Variants in RMST observed in about 807,000 individuals in gnomAD.
RMST encodes the protein long intergenic non-protein coding RNA 54.
chr12:97,518,046 C>T (rs1208337744), intron 10 of RMST, among the ~76,000 whole-genome samples: 1 of 151,984 alleles, frequency 6.6e-6, no homozygotes, highest in African/African-American at 2.4e-5. Context: ...TAATAATTAT[C>T]CAAACTTATT....
intron 10 of RMST, among the ~76,000 whole-genome samples, chr12:97,517,739 ATAATTAT>A (rs1187584551): frequency 6.6e-6 from 1 of 152,032 alleles, no homozygotes. Flanking sequence ...CTGTAAATTA[ATAATTAT>A]ATGAACATCT....
intron 10 of RMST, among the ~76,000 whole-genome samples, chr12:97,501,627 G>T (rs1878080334): frequency 1.3e-5 from 2 of 152,144 alleles, no homozygotes; most frequent in Non-Finnish European, 2.9e-5. Flanking sequence ...CTACAGAAAT[G>T]CCTGTCACCT....
chr12:97,559,843 C>A (rs1207590319), intron 11 of RMST, among the ~76,000 whole-genome samples: 1 of 152,170 alleles, frequency 6.6e-6, no homozygotes, highest in Non-Finnish European at 1.5e-5. Context: ...GTGGTATGGG[C>A]ACTCTATATA....
chr12:97,481,616 G>A (rs141194567), intron 5 of RMST, among the ~76,000 whole-genome samples: 1 of 152,178 alleles, frequency 6.6e-6, no homozygotes, highest in African/African-American at 2.4e-5. Context: ...GAAGAGTGAG[G>A]TTTATTTTTT....
chr12:97,498,345 G>T (rs546511178), intron 10 of RMST, among the ~76,000 whole-genome samples: 1 of 152,074 alleles, frequency 6.6e-6, no homozygotes, highest in Admixed American at 6.6e-5. Flanking sequence ...GGACTGGTTC[G>T]CATTTCTGCT....
At chr12:97,482,535 T>C (rs1032015389) in intron 5 of RMST, among the ~76,000 whole-genome samples, 1 of 151,442 alleles carries the variant, frequency 6.6e-6, no homozygotes, top group Non-Finnish European at 1.5e-5. Flanking sequence ...AAATTGTTGG[T>C]TATATCAAAG....
chr12:97,487,202 A>C (rs1312782824), intron 5 of RMST, among the ~76,000 whole-genome samples: 1 of 152,174 alleles, frequency 6.6e-6, no homozygotes, highest in Non-Finnish European at 1.5e-5. Context: ...ATTAATTCAC[A>C]TTCATTTCTT....
intron 5 of RMST, among the ~76,000 whole-genome samples, chr12:97,485,987 T>C (rs1876052168): frequency 1.3e-5 from 2 of 152,222 alleles, no homozygotes; most frequent in Admixed American, 1.3e-4. Flanking sequence ...CCATAATACA[T>C]TGCATTCCAT....
chr12:97,476,468 T>C (rs942823005), intron 5 of RMST, among the ~76,000 whole-genome samples: 2 of 152,198 alleles, frequency 1.3e-5, no homozygotes, highest in African/African-American at 4.8e-5. Flanking sequence ...TGCTTTTGTG[T>C]GCTCTCTGGA....
intron 10 of RMST, among the ~76,000 whole-genome samples, chr12:97,511,383 A>C (rs192170888): frequency 6.6e-6 from 1 of 152,254 alleles, no homozygotes; most frequent in East Asian, 1.9e-4. Flanking sequence ...TCCTGACCAC[A>C]AGTGATCCAC....
intron 4 of RMST, chr12:97,465,070 G>C (rs1178091602): frequency 1.3e-5 from 2 of 152,138 alleles, no homozygotes; most frequent in African/African-American, 4.8e-5. Context: ...GACTATGAAA[G>C]GGTGAGCCTT....
At chr12:97,547,178 C>G (rs929013611) in intron 11 of RMST, among the ~76,000 whole-genome samples, 18 of 149,680 alleles carry the variant, frequency 1.2e-4, no homozygotes, top group African/African-American at 4.4e-4. Context: ...AATGACAGGA[C>G]TTTATTCTTT....
intron 10 of RMST, among the ~76,000 whole-genome samples, chr12:97,515,972 C>G (rs1879885741): frequency 6.6e-6 from 1 of 151,892 alleles, no homozygotes. Context: ...TATTTTGTCT[C>G]TTCTATAAAC....
intron 10 of RMST, among the ~76,000 whole-genome samples, chr12:97,510,433 A>C (rs1030973682): frequency 6.6e-6 from 1 of 152,220 alleles, no homozygotes; most frequent in African/African-American, 2.4e-5. Flanking sequence ...AAATGAATTG[A>C]GCATCCACAG....
intron 10 of RMST, among the ~76,000 whole-genome samples, chr12:97,528,153 T>G (rs974412209): frequency 6.6e-6 from 1 of 152,144 alleles, no homozygotes; most frequent in Non-Finnish European, 1.5e-5. Flanking sequence ...AAGCAAACTT[T>G]TGTAAAAGAA....
chr12:97,498,313 A>C (rs1323505216), intron 10 of RMST, among the ~76,000 whole-genome samples: 1 of 152,164 alleles, frequency 6.6e-6, no homozygotes, highest in East Asian at 1.9e-4. Flanking sequence ...TGGTGCACAA[A>C]TATGGTGGTT....
At chr12:97,533,859 C>T (rs937829979) in intron 11 of RMST, 4 of 151,718 alleles carry the variant, frequency 2.6e-5, no homozygotes, top group Non-Finnish European at 5.9e-5. Context: ...AATTAAGAAG[C>T]CTGAGGTGCT....
intron 5 of RMST, among the ~76,000 whole-genome samples, chr12:97,486,700 T>A (rs911174338): frequency 6.6e-6 from 1 of 152,126 alleles, no homozygotes; most frequent in Admixed American, 6.5e-5. Context: ...AGAGGGTGAT[T>A]GGGAGAAACG....
chr12:97,561,473 G>C (rs765842075), intron 13 of RMST, among the ~76,000 whole-genome samples: 1 of 152,136 alleles, frequency 6.6e-6, no homozygotes, highest in East Asian at 1.9e-4. Flanking sequence ...AAAAAAGAAC[G>C]TGTCACATCA....
Sources: gnomAD v4.1 joint callset for allele counts (sites outside exome capture counted in the v4.1 genomes callset) on GRCh38, gnomAD v4.1.1 for gene constraint, MANE v1.5 for transcripts, NCBI Gene and HGNC (gene_info 2026-07-23, HGNC 2026-07-21) for gene names.